CEMIP2: variants seen among roughly 807,000 people sequenced by gnomAD.
The protein encoded by CEMIP2 is cell migration inducing hyaluronidase 2.
CEMIP2 carries 79 observed loss-of-function variants against 146.9 expected under a neutral mutation model. That is an observed-to-expected ratio of 0.54 (90% CI 0.45 to 0.65). The LOEUF is 0.65. Among genes scored for constraint, CEMIP2 ranks in the 30% least tolerant of loss-of-function variants. The pLI, the probability that CEMIP2 is intolerant of heterozygous loss-of-function variation, is 0.00. For missense variants in CEMIP2, 1,596 were observed against 1,696.2 expected, an observed-to-expected ratio of 0.94 and a Z score of 1.04; for synonymous variants, 601 against 606.3, an observed-to-expected ratio of 0.99 and a Z score of 0.13.
rs547020904 is a variant in CEMIP2 at position 71,722,701 on chromosome 9, A to C, written c.2179-186T>G. 5.9e-5 allele frequency among the ~76,000 whole-genome samples: 9 copies of C among 152,156 alleles called. No individual in the cohort carries two copies. In the East Asian group the frequency reaches 9.6e-4, roughly 16 times the overall value. On this transcript the variant is annotated intron_variant, in intron 11 of 23. Transcript: ENST00000377044. ...TTTCCTGGATATTTTCTACTCATTT[A>C]ACTCATTTCACTCATTTAGTCATTC...
At chr9:71,692,594 G>C (rs143428015) in intron 21 of CEMIP2, among the ~76,000 whole-genome samples, 10 of 152,068 alleles carry the variant, frequency 6.6e-5, no homozygotes, top group African/African-American at 2.2e-4. Flanking sequence ...TAAAGGAGGG[G>C]AACAAGCATA....
At chr9:71,704,892 C>T (rs2131890870) in intron 17 of CEMIP2, 89 bp from the exon 18 acceptor site, 2 of 1,271,694 alleles carry the variant, frequency 1.6e-6, no homozygotes, top group East Asian at 2.5e-5. Context: ...AGTGTCTCAA[C>T]TTTGAAAAGG....
At chr9:71,761,287 T>C (rs1824628877) in intron 1 of CEMIP2, among the ~76,000 whole-genome samples, 1 of 152,234 alleles carries the variant, frequency 6.6e-6, no homozygotes. Flanking sequence ...GAAAGTTATG[T>C]TGGCAAAATG....
chr9:71,717,880 G>C (rs1823112031), intron 13 of CEMIP2, 68 bp downstream of exon 13: 1 of 1,454,204 alleles, frequency 6.9e-7, no homozygotes, highest in East Asian at 2.4e-5. Context: ...CATGCTACTG[G>C]CTTTAAAAAA....
At chr9:71,748,112 A>C (rs1824139878) in intron 2 of CEMIP2, among the ~76,000 whole-genome samples, 1 of 152,226 alleles carries the variant, frequency 6.6e-6, no homozygotes, top group Non-Finnish European at 1.5e-5. Flanking sequence ...CCCAGCTATA[A>C]AGAAGGAAAT....
Position 71,709,312 on chromosome 9 carries a change from A to G in CEMIP2, c.2932T>C (p.Cys978Arg), listed in dbSNP as rs1220203070. 8.7e-6 allele frequency: 14 copies of G among 1,614,182 alleles called. No homozygotes were observed. Among genetic ancestry groups the G allele is most frequent in the Non-Finnish European group, 1.1e-5 (13 of 1,180,020 alleles). Residue 978 changes from cysteine to arginine, a missense_variant, in exon 17 of 24, where the codon TGT becomes CGT. Physicochemically the swap from Cys to Arg is radical, Grantham distance 180 (BLOSUM62 -3). Coordinates refer to ENST00000377044, the MANE Select transcript of CEMIP2 (RefSeq NM_013390.3). ...MDNYLIRHPS[C>R]VNVSKWNAVI... ...GCATTCCACTTAGACACATTTACAC[A>G]GCTTGGATGGCGGATCAGGTAGTTG...
intron 18 of CEMIP2, among the ~76,000 whole-genome samples, chr9:71,703,301 C>T (rs1487021820): frequency 6.6e-6 from 1 of 152,234 alleles, no homozygotes; most frequent in East Asian, 1.9e-4. Context: ...TGAGTACTGG[C>T]CTTGGGGCTT....
intron 2 of CEMIP2, among the ~76,000 whole-genome samples, chr9:71,747,434 G>A (rs1824122579): frequency 6.6e-6 from 1 of 152,184 alleles, no homozygotes; most frequent in African/African-American, 2.4e-5. Flanking sequence ...TTCATGAACA[G>A]GTGACTTGAG....
upstream of CEMIP2, chr9:71,768,983 C>G (rs367977433): frequency 0.065 from 9,934 of 152,150 alleles, 485 homozygotes; most frequent in Middle Eastern, 0.092. Flanking sequence ...TGGCCCCGCC[C>G]GGCCCCTCCC....
Position 71,764,175 on chromosome 9 carries a change from T to G in CEMIP2, c.-13+4182A>C, listed in dbSNP as rs537262223. ...CAGTACTTTAAATTTCCATCCTGTT[T>G]ATAGAAAATACAAGTAAAGCTAATG... On this transcript the variant is annotated intron_variant, in intron 1 of 23. Transcript: ENST00000377044. Among the ~76,000 whole-genome samples, 100 of 152,344 alleles carry G rather than the reference T, an allele frequency of 6.6e-4. 1 individual carries two copies. In the South Asian group the frequency reaches 0.01, roughly 15 times the overall value.
At chr9:71,748,171 T>C (rs1478391131) in intron 2 of CEMIP2, among the ~76,000 whole-genome samples, 2 of 152,196 alleles carry the variant, frequency 1.3e-5, no homozygotes, top group African/African-American at 4.8e-5. Context: ...ATAATTTCTC[T>C]TAATTGTTTT....
At chr9:71,709,654 G>A (rs1468052073) in intron 16 of CEMIP2, among the ~76,000 whole-genome samples, 180 bp from the exon 17 acceptor site, 1 of 152,166 alleles carries the variant, frequency 6.6e-6, no homozygotes, top group South Asian at 2.1e-4. Context: ...CTCAATTAAT[G>A]ACATGCTGGG....
chr9:71,706,761 T>C (rs1000899808), intron 17 of CEMIP2, among the ~76,000 whole-genome samples: 4 of 152,196 alleles, frequency 2.6e-5, no homozygotes, highest in African/African-American at 9.6e-5. Context: ...TGAATACTCA[T>C]GGCTGGCAAG....
At chr9:71,731,754 G>GT (rs1201757779) in intron 7 of CEMIP2, among the ~76,000 whole-genome samples, 2 of 148,788 alleles carry the variant, frequency 1.3e-5, no homozygotes, top group African/African-American at 4.9e-5. Flanking sequence ...AAAATTCCTT[G>GT]TAACAGAAAT....
At chr9:71,704,528 GT>G in intron 18 of CEMIP2, 66 bp downstream of exon 18, 1 of 1,559,658 alleles carries the variant, frequency 6.4e-7, no homozygotes, top group Non-Finnish European at 8.8e-7. Context: ...GGAGACATAA[GT>G]TATTCTTTTT....
intron 2 of CEMIP2, 108 bp from the exon 3 acceptor site, chr9:71,746,449 TATGTTG>T: frequency 3.8e-6 from 5 of 1,330,902 alleles, no homozygotes; most frequent in Non-Finnish European, 5.2e-6. Flanking sequence ...TGTGCTAACA[TATGTTG>T]ATTTCCTGCC....
At chr9:71,688,036 TCA>T (rs1172600076) in intron 22 of CEMIP2, among the ~76,000 whole-genome samples, 1 of 152,120 alleles carries the variant, frequency 6.6e-6, no homozygotes, top group Admixed American at 6.5e-5. Flanking sequence ...TTTAAATTTT[TCA>T]TAGAGACAGG....
At chr9:71,716,673 C>G in intron 13 of CEMIP2, 121 bp from the exon 14 acceptor site, 2 of 714,048 alleles carry the variant, frequency 2.8e-6, no homozygotes, top group Non-Finnish European at 4.3e-6. Flanking sequence ...CTCTACATGA[C>G]CACACAAAAA....
intron 21 of CEMIP2, 94 bp from the exon 22 acceptor site, chr9:71,690,340 A>G: frequency 2.1e-6 from 3 of 1,405,370 alleles, no homozygotes; most frequent in African/African-American, 1.4e-5. Flanking sequence ...TGTCTTCTAA[A>G]CCCATGATTC....
Sources: gnomAD v4.1 joint callset for allele counts (sites outside exome capture counted in the v4.1 genomes callset) on GRCh38, gnomAD v4.1.1 for gene constraint, MANE v1.5 for transcripts, NCBI Gene and HGNC (gene_info 2026-07-23, HGNC 2026-07-21) for gene names.